TMA16: variants seen among roughly 807,000 people sequenced by gnomAD.
TMA16 encodes translation machinery-associated protein 16.
TMA16 carries 26 observed loss-of-function variants against 27.1 expected under a neutral mutation model. That is an observed-to-expected ratio of 0.96 (90% CI 0.70 to 1.33). The LOEUF is 1.33. TMA16 is among the 40% of genes most tolerant of loss of function. The pLI is 0.00. For synonymous variants in TMA16, 71 were observed against 81.9 expected (o/e 0.87, Z 0.72); for missense variants, 233 against 241.4 (o/e 0.97, Z 0.23).
intron 1 of TMA16, 21 bp from the exon 2 acceptor site, chr4:163,507,012 A>G: frequency 6.4e-7 from 1 of 1,556,964 alleles, no homozygotes; most frequent in Non-Finnish European, 8.7e-7. Context: ...TATATGTGTC[A>G]TGTGTTTTCA....
chr4:163,514,788 G>C (rs757000119), intron 4 of TMA16, among the ~76,000 whole-genome samples: 3 of 152,220 alleles, frequency 2.0e-5, no homozygotes, highest in Non-Finnish European at 2.9e-5. Context: ...ATCCAGGCCA[G>C]AAATGATGGT....
chr4:163,516,401 C>G (rs901227546), intron 5 of TMA16, among the ~76,000 whole-genome samples: 1 of 152,234 alleles, frequency 6.6e-6, no homozygotes, highest in East Asian at 1.9e-4. Flanking sequence ...CATTAAGATT[C>G]CTTTACAAAT....
intron 1 of TMA16, among the ~76,000 whole-genome samples, chr4:163,501,292 G>T (rs1041049875): frequency 6.6e-6 from 1 of 152,116 alleles, no homozygotes; most frequent in African/African-American, 2.4e-5. Flanking sequence ...ATGGGGTTGC[G>T]TGTGAGATGA....
At chr4:163,510,534 A>G (rs1322900260) in intron 2 of TMA16, among the ~76,000 whole-genome samples, 2 of 152,134 alleles carry the variant, frequency 1.3e-5, no homozygotes, top group Non-Finnish European at 2.9e-5. Flanking sequence ...TGTTTGAGAG[A>G]CTTATCCATG....
At chr4:163,517,087 A>G in intron 5 of TMA16, 1 of 197,634 alleles carries the variant, frequency 5.1e-6, no homozygotes, top group South Asian at 9.1e-5. Flanking sequence ...TATTTTCAGT[A>G]GAGATGGGGT....
chr4:163,513,933 GC>G (rs1161635931), intron 3 of TMA16, 140 bp from the exon 4 acceptor site: 7 of 498,470 alleles, frequency 1.4e-5, no homozygotes, highest in African/African-American at 1.0e-4. Context: ...TTAGCTTTGA[GC>G]CCACACAAGG....
chr4:163,495,998 T>C (rs1218072224), intron 1 of TMA16, among the ~76,000 whole-genome samples: 1 of 152,238 alleles, frequency 6.6e-6, no homozygotes, highest in Admixed American at 6.5e-5. Flanking sequence ...GATAGATTGG[T>C]ATTTGACTGT....
chr4:163,518,418 C>G (rs1402573959), intron 6 of TMA16, among the ~76,000 whole-genome samples: 1 of 152,076 alleles, frequency 6.6e-6, no homozygotes, highest in African/African-American at 2.4e-5. Context: ...GATAAACTGT[C>G]AAGGGAATAA....
chr4:163,501,473 T>C (rs1244633748), intron 1 of TMA16, among the ~76,000 whole-genome samples: 1 of 152,250 alleles, frequency 6.6e-6, no homozygotes, highest in Non-Finnish European at 1.5e-5. Context: ...TGTCTCTTTC[T>C]ACAGCTTATT....
At chr4:163,500,601 G>A (rs1737635438) in intron 1 of TMA16, among the ~76,000 whole-genome samples, 2 of 152,182 alleles carry the variant, frequency 1.3e-5, no homozygotes, top group South Asian at 4.1e-4. Flanking sequence ...ACAAGACAGT[G>A]CCTTCTTTCT....
chr4:163,510,953 C>T (rs7675209), intron 2 of TMA16, among the ~76,000 whole-genome samples: 117,135 of 152,136 alleles, frequency 0.77, 45,455 homozygotes, highest in East Asian at 0.89. Flanking sequence ...TGTGGACATA[C>T]GTTTTCATTT....
chr4:163,514,268 G>T, intron 4 of TMA16, 110 bp downstream of exon 4: 1 of 823,308 alleles, frequency 1.2e-6, no homozygotes, highest in Non-Finnish European at 1.8e-6. Context: ...AATGGGCTTT[G>T]TTATCAGGAA....
intron 2 of TMA16, among the ~76,000 whole-genome samples, chr4:163,509,724 C>T (rs1191780885): frequency 6.6e-6 from 1 of 152,148 alleles, no homozygotes; most frequent in East Asian, 1.9e-4. Flanking sequence ...GACTGTATGA[C>T]AGGAACTAGG....
At chr4:163,506,296 T>C (rs1737717792) in intron 1 of TMA16, among the ~76,000 whole-genome samples, 1 of 152,146 alleles carries the variant, frequency 6.6e-6, no homozygotes, top group African/African-American at 2.4e-5. Flanking sequence ...GCTCCTACTT[T>C]TAACAATAAA....
Position 163,494,712 on chromosome 4 carries a change from C to G in TMA16, c.-90C>G, listed in dbSNP as rs562084890. Reference sequence around the variant, plus strand: ...CTCAGGCGCCACGTGGGATTCGGCCCGGGTGCTCTTGTGAGCTGCTGCTCC... The same window carrying G: ...CTCAGGCGCCACGTGGGATTCGGCCGGGGTGCTCTTGTGAGCTGCTGCTCC... On this transcript the variant is annotated 5_prime_UTR_variant, in exon 1 of 7. Transcript: ENST00000358572. 22 of 1,584,434 alleles carry G rather than the reference C, an allele frequency of 1.4e-5. No homozygotes were observed. Among genetic ancestry groups the G allele is most frequent in the African/African-American group, 4.0e-5 (3 of 74,272 alleles).
intron 1 of TMA16, among the ~76,000 whole-genome samples, chr4:163,495,258 T>C (rs1737533047): frequency 6.6e-6 from 1 of 152,226 alleles, no homozygotes; most frequent in Admixed American, 6.5e-5. Context: ...ATCCTGCCGT[T>C]ACGCCCCCAT....
At chr4:163,498,673 A>C (rs555472043) in intron 1 of TMA16, among the ~76,000 whole-genome samples, 10 of 152,106 alleles carry the variant, frequency 6.6e-5, no homozygotes, top group Non-Finnish European at 1.5e-4. Context: ...TTATTAAAAA[A>C]CTTTTTTTAG....
Position 163,512,826 on chromosome 4 carries a change from A to G in TMA16, c.121A>G (p.Lys41Glu). The G allele has an allele frequency of 6.3e-7, 1 of 1,598,888 alleles. No individual in the cohort carries two copies. The highest frequency in any genetic ancestry group is 8.5e-7 in the Non-Finnish European group (1 of 1,170,422). The change falls in exon 3 of 7, where the codon AAG becomes GAG. Residue 41 changes from lysine to glutamate, a missense_variant. Coordinates refer to ENST00000358572, the MANE Select transcript of TMA16 (RefSeq NM_018352.3). ...ATATTTACCTTTCCTTCAAAGATTG[A>G]AGAATGAAAAGGCCTTGCGTCTCAA... is the stretch of plus-strand genomic sequence containing the variant. ...AHKQEKKEKL[K>E]NEKALRLNLV... is the part of the protein sequence containing the mutation.
At chr4:163,517,206 A>G (rs891920226) in intron 5 of TMA16, 4 of 512,204 alleles carry the variant, frequency 7.8e-6, no homozygotes, top group Non-Finnish European at 1.4e-5. Context: ...CTGGCCTAAT[A>G]GCTTTGTTTT....
Sources: allele counts gnomAD v4.1 joint callset (sites outside exome capture counted in the v4.1 genomes callset), GRCh38; gene constraint gnomAD v4.1.1; transcripts MANE v1.5; gene names NCBI Gene and HGNC (gene_info 2026-07-23, HGNC 2026-07-21).